B4GALT5: variants seen among roughly 807,000 people sequenced by gnomAD.
B4GALT5 encodes UDP-Gal:beta-GlcNAc beta-1,4-galactosyltransferase 5.
Under a neutral mutation model 45.0 loss-of-function variants are expected in B4GALT5, and 11 were observed. The observed-to-expected ratio is 0.24, with a 90% CI of 0.15 to 0.40. The LOEUF (loss-of-function observed/expected upper bound fraction) is 0.40. B4GALT5 is among the 10% of genes least tolerant of loss of function. B4GALT5 has a pLI of 1.00. For missense variants in B4GALT5, 337 were observed against 500.2 expected, an observed-to-expected ratio of 0.67 and a Z score of 3.11; for synonymous variants, 185 against 182.9, an observed-to-expected ratio of 1.01 and a Z score of -0.09.
intron 1 of B4GALT5, among the ~76,000 whole-genome samples, chr20:49,686,673 G>T (rs545007654): frequency 6.8e-6 from 1 of 146,080 alleles, no homozygotes; most frequent in Admixed American, 6.9e-5. Flanking sequence ...GACCTCTTGA[G>T]GCCAAGGGTT....
At chr20:49,691,391 C>T (rs1393170889) in intron 1 of B4GALT5, among the ~76,000 whole-genome samples, 1 of 152,034 alleles carries the variant, frequency 6.6e-6, no homozygotes, top group Non-Finnish European at 1.5e-5. Flanking sequence ...GATGGTACTA[C>T]GTAACTGTAG....
At chr20:49,678,850 T>A (rs2085750806) in intron 1 of B4GALT5, among the ~76,000 whole-genome samples, 1 of 152,212 alleles carries the variant, frequency 6.6e-6, no homozygotes, top group Non-Finnish European at 1.5e-5. Context: ...TTGGCTTCCA[T>A]ATCCACTTCA....
chr20:49,668,607 G>C (rs948389717), intron 1 of B4GALT5, among the ~76,000 whole-genome samples: 1 of 145,550 alleles, frequency 6.9e-6, no homozygotes, highest in African/African-American at 2.5e-5. Flanking sequence ...GGGGTGGGGG[G>C]GGCGTCAGGG....
At chr20:49,658,384 G>GTGT (rs146685763) in intron 1 of B4GALT5, among the ~76,000 whole-genome samples, 6 of 152,116 alleles carry the variant, frequency 3.9e-5, no homozygotes, top group African/African-American at 1.4e-4. Context: ...ATTCAGTCCT[G>GTGT]TGTTGTTGTT....
chr20:49,643,433 A>G, intron 4 of B4GALT5, 93 bp downstream of exon 4: 1 of 1,493,286 alleles, frequency 6.7e-7, no homozygotes, highest in East Asian at 2.3e-5. Context: ...GAAAATGACA[A>G]AATGTCATGG....
chr20:49,687,461 T>G (rs1299268173), intron 1 of B4GALT5, among the ~76,000 whole-genome samples: 1 of 152,078 alleles, frequency 6.6e-6, no homozygotes, highest in Non-Finnish European at 1.5e-5. Context: ...CTGGCCAACA[T>G]GGTGAAACCC....
intron 1 of B4GALT5, among the ~76,000 whole-genome samples, chr20:49,711,220 T>C (rs1427522466): frequency 6.6e-6 from 1 of 152,160 alleles, no homozygotes; most frequent in Non-Finnish European, 1.5e-5. Context: ...TTCAAGGGGA[T>C]ACAGTACTAA....
At chr20:49,659,020 C>G (rs1335427475) in intron 1 of B4GALT5, among the ~76,000 whole-genome samples, 3 of 152,246 alleles carry the variant, frequency 2.0e-5, no homozygotes, top group Non-Finnish European at 1.5e-5. Context: ...CAAAGGTCAA[C>G]TGAGAGCACT....
intron 2 of B4GALT5, among the ~76,000 whole-genome samples, chr20:49,656,324 C>A (rs750464882): frequency 2.6e-5 from 4 of 152,124 alleles, no homozygotes; most frequent in Non-Finnish European, 5.9e-5. Context: ...CAAATAAATC[C>A]TTTTTCTTTG....
chr20:49,670,507 C>G (rs1323071686), intron 1 of B4GALT5, among the ~76,000 whole-genome samples: 3 of 152,106 alleles, frequency 2.0e-5, no homozygotes, highest in African/African-American at 7.2e-5. Context: ...GATCTTCATG[C>G]CTTAGCTCCC....
chr20:49,700,445 G>A (rs2085857038), intron 1 of B4GALT5, among the ~76,000 whole-genome samples: 1 of 152,098 alleles, frequency 6.6e-6, no homozygotes, highest in South Asian at 2.1e-4. Flanking sequence ...ACAGGCATGT[G>A]CCACCACACC....
At chr20:49,680,268 G>C (rs2085758709) in intron 1 of B4GALT5, among the ~76,000 whole-genome samples, 1 of 152,192 alleles carries the variant, frequency 6.6e-6, no homozygotes, top group Admixed American at 6.5e-5. Context: ...GAGACCATGA[G>C]TGTTTTGGAA....
intron 1 of B4GALT5, among the ~76,000 whole-genome samples, chr20:49,663,561 G>A (rs1235556038): frequency 1.3e-5 from 2 of 150,302 alleles, no homozygotes; most frequent in East Asian, 3.9e-4. Flanking sequence ...TTATCTAGCT[G>A]GGCATGGTGG....
chr20:49,689,180 CTT>C (rs1402791916), intron 1 of B4GALT5, among the ~76,000 whole-genome samples: 1 of 152,082 alleles, frequency 6.6e-6, no homozygotes, highest in Non-Finnish European at 1.5e-5. Context: ...GATGTCACCT[CTT>C]TGACAATTAT....
rs1984453574 is a variant in B4GALT5 at position 49,634,282 on chromosome 20, A to T, written c.*2030T>A. ...GTCCACAGAACCATCACATGCAACGAAAAAAGCCCTAACCCACACACATAC... is the reference window on the plus strand; with the variant it reads ...GTCCACAGAACCATCACATGCAACGTAAAAAGCCCTAACCCACACACATAC... On this transcript the variant is annotated 3_prime_UTR_variant, in exon 9 of 9. Transcript: ENST00000371711. 1 of 152,528 alleles carries T rather than the reference A, an allele frequency of 6.6e-6. No individual in the cohort carries two copies. 9.4% of individuals were successfully genotyped at this position (152,528 alleles called of 1,614,324 possible). A position where few individuals can be genotyped will look rare whatever the true frequency, so the allele number is the denominator to read the frequency against.
At chr20:49,707,351 G>C (rs1054492679) in intron 1 of B4GALT5, among the ~76,000 whole-genome samples, 8 of 151,816 alleles carry the variant, frequency 5.3e-5, no homozygotes, top group Non-Finnish European at 1.2e-4. Flanking sequence ...GTGCGCAAGA[G>C]TGCATGTGGA....
Position 49,642,529 on chromosome 20 carries a change from C to T in B4GALT5, c.545G>A (p.Arg182Lys). ...NRHEHLPVLF[R>K]HLLPMLQRQR... ...GCGCTGGAGCATGGGAAGCAGGTGT[C>T]TGAACAGGACTGGGAGGTGCTCGTG... The change falls in exon 5 of 9, where the codon AGA (arginine) becomes AAA (lysine). Residue 182 changes from arginine (R) to lysine (K), a missense_variant. Arg to Lys is a conservative substitution (Grantham distance 26). This residue lies in a region of B4GALT5 where 163 missense variants were observed against 292.8 expected (regional missense o/e 0.56). Coordinates refer to ENST00000371711, the MANE Select transcript of B4GALT5 (RefSeq NM_004776.4). 1 of 1,614,210 alleles carries T rather than the reference C, an allele frequency of 6.2e-7. No individual in the cohort carries two copies. The highest frequency in any genetic ancestry group is 1.1e-5 in the South Asian group (1 of 91,080).
chr20:49,701,043 T>G (rs1382936964), intron 1 of B4GALT5, among the ~76,000 whole-genome samples: 1 of 152,092 alleles, frequency 6.6e-6, no homozygotes, highest in African/African-American at 2.4e-5. Flanking sequence ...AAACTAAAAA[T>G]TTACTAAAGT....
intron 8 of B4GALT5, 130 bp from the exon 9 acceptor site, chr20:49,636,589 G>A (rs1371411080): frequency 9.8e-7 from 1 of 1,022,606 alleles, no homozygotes; most frequent in Non-Finnish European, 1.4e-6. Flanking sequence ...CACAAGGTGG[G>A]CGCACGGCCA....
Sources: allele counts gnomAD v4.1 joint callset (sites outside exome capture counted in the v4.1 genomes callset), GRCh38; gene constraint gnomAD v4.1.1; regional missense constraint gnomAD v4.1.1; transcripts MANE v1.5; gene names NCBI Gene and HGNC (gene_info 2026-07-23, HGNC 2026-07-21).